SUB1: variants seen among roughly 807,000 people sequenced by gnomAD.
SUB1 encodes activated RNA polymerase II transcriptional coactivator p15.
A neutral mutation model predicts 16.9 loss-of-function variants in SUB1; 1 was observed. The ratio of observed to expected loss-of-function variants is 0.06; its 90% CI spans 0.02 to 0.28. SUB1 has a LOEUF of 0.28. Among genes scored for constraint, SUB1 ranks in the 10% least tolerant of loss-of-function variants. The pLI is 1.00. For synonymous variants in SUB1, 51 were observed against 46.9 expected, an observed-to-expected ratio of 1.09 and a Z score of -0.36; for missense variants, 84 against 145.2, an observed-to-expected ratio of 0.58 and a Z score of 2.16.
chr5:32,592,040 C>G (rs932812543), intron 3 of SUB1, among the ~76,000 whole-genome samples: 2 of 152,206 alleles, frequency 1.3e-5, no homozygotes, highest in Non-Finnish European at 2.9e-5. Flanking sequence ...TATTATCTGG[C>G]TTGATCTGAA....
Position 32,603,904 on chromosome 5 carries a change from TTA to T in SUB1, c.*2821_*2822del, listed in dbSNP as rs1739176522. 1.3e-5 allele frequency: 2 copies of T among 151,970 alleles called. No individual in the cohort carries two copies. The highest frequency in any genetic ancestry group is 1.3e-4 in the Admixed American group (2 of 15,174). The allele number at this position is 151,970 out of a possible 1,614,324, so 9.4% of individuals were successfully genotyped here. A position where few individuals can be genotyped will look rare whatever the true frequency, so the allele number is the denominator to read the frequency against. On this transcript the variant is annotated 3_prime_UTR_variant, in exon 5 of 5. Transcript: ENST00000265073. ...GAAACACTCAAAAGTTTTTTTTTTTTTAAAAGTGTTTTTCCAGATAAACTGTA... is the reference window on the plus strand; with the variant it reads ...GAAACACTCAAAAGTTTTTTTTTTTTAAAGTGTTTTTCCAGATAAACTGTA...
intron 4 of SUB1, among the ~76,000 whole-genome samples, chr5:32,600,249 C>T (rs766503878): frequency 4.6e-5 from 7 of 152,186 alleles, no homozygotes; most frequent in Non-Finnish European, 1.0e-4. Context: ...CTGTATGAAT[C>T]ACGTCCTGGG....
Position 32,588,722 on chromosome 5 carries a change from ACTT to A in SUB1, c.72+142_72+144del, listed in dbSNP as rs1256977151. 19 of 790,766 alleles carry A rather than the reference ACTT, an allele frequency of 2.4e-5. No homozygotes were observed. The African/African-American group carries it at 3.3e-4, about 14-fold the overall frequency. 49.0% of individuals were successfully genotyped at this position (790,766 alleles called of 1,614,324 possible). ...CGCGGTGGCTCATGCCTGTTATCCT[ACTT>A]CTTTGGGAGGCCGAGGTGGCAGGAT... On this transcript the variant is annotated intron_variant, in intron 2 of 4. Transcript: ENST00000265073.
chr5:32,586,929 A>G (rs1044876365), intron 1 of SUB1, among the ~76,000 whole-genome samples: 9 of 152,286 alleles, frequency 5.9e-5, no homozygotes, highest in East Asian at 1.9e-4. Flanking sequence ...TTGACCTCCT[A>G]TTTTGGAACA....
At chr5:32,589,488 T>G (rs1738762366) in intron 2 of SUB1, among the ~76,000 whole-genome samples, 1 of 152,216 alleles carries the variant, frequency 6.6e-6, no homozygotes, top group African/African-American at 2.4e-5. Flanking sequence ...TTGTACTAAG[T>G]TTGTGCTCTG....
chr5:32,600,360 T>G (rs541865087), intron 4 of SUB1, among the ~76,000 whole-genome samples: 1 of 152,212 alleles, frequency 6.6e-6, no homozygotes, highest in Non-Finnish European at 1.5e-5. Context: ...GCTGGAAATA[T>G]AGTAATGGGG....
chr5:32,593,479 A>T (rs1345837696), intron 3 of SUB1, among the ~76,000 whole-genome samples: 1 of 152,160 alleles, frequency 6.6e-6, no homozygotes. Context: ...AAAGATAGAC[A>T]AAGTGCAGAT....
chr5:32,590,449 G>A (rs1190103404), intron 2 of SUB1, among the ~76,000 whole-genome samples: 1 of 150,722 alleles, frequency 6.6e-6, no homozygotes, highest in Non-Finnish European at 1.5e-5. Context: ...TTAAAACAAC[G>A]TTGTGATTTT....
In SUB1 at chr5:32,600,994, CTT is replaced by C; in HGVS notation, c.305-9_305-8del. 1 of 1,609,462 alleles carries C rather than the reference CTT, an allele frequency of 6.2e-7. No individual in the cohort carries two copies. Among genetic ancestry groups the C allele is most frequent in the Non-Finnish European group, 8.5e-7 (1 of 1,176,424 alleles). ...AGATTTTCACCTTTGAATTTTTAAACTTTGTTTTAGGTATTTCTTTAAATCCA... is the reference window on the plus strand; with the variant it reads ...AGATTTTCACCTTTGAATTTTTAAACTGTTTTAGGTATTTCTTTAAATCCA... On this transcript the variant is annotated splice_polypyrimidine_tract_variant and intron_variant, in intron 4 of 4. Transcript: ENST00000265073.
intron 2 of SUB1, among the ~76,000 whole-genome samples, chr5:32,589,201 A>C (rs911118744): frequency 6.6e-6 from 1 of 151,674 alleles, no homozygotes; most frequent in Non-Finnish European, 1.5e-5. Context: ...CAGTCCTCCC[A>C]CCTCTGCCTC....
Position 32,588,495 on chromosome 5 carries a change from A to G in SUB1, c.-1-17A>G. The G allele has an allele frequency of 6.2e-7, 1 of 1,606,858 alleles. No homozygotes were observed. Among genetic ancestry groups the G allele is most frequent in the Non-Finnish European group, 8.5e-7 (1 of 1,175,986 alleles). Reference sequence around the variant, plus strand: ...GAGTACCTTATTAATTATTTTTGTAATGTATTTTTCTTTCAGGATGCCTAA... The same window carrying G: ...GAGTACCTTATTAATTATTTTTGTAGTGTATTTTTCTTTCAGGATGCCTAA... On this transcript the variant is annotated splice_polypyrimidine_tract_variant and intron_variant, in intron 1 of 4. Coordinates refer to ENST00000265073, the MANE Select transcript of SUB1 (RefSeq NM_006713.4).
intron 1 of SUB1, chr5:32,586,205 C>T (rs1366313448): frequency 2.0e-5 from 3 of 152,280 alleles, no homozygotes; most frequent in African/African-American, 7.2e-5. Flanking sequence ...ACCTGTCTCC[C>T]CTCGCCCGAG....
intron 2 of SUB1, 106 bp downstream of exon 2, chr5:32,588,690 A>G: frequency 8.5e-7 from 1 of 1,182,794 alleles, no homozygotes; most frequent in Non-Finnish European, 1.2e-6. Context: ...ATGAGGATCT[A>G]GCTGGGCGCG....
At chr5:32,595,937 T>G (rs928186374) in intron 3 of SUB1, 3 of 151,762 alleles carry the variant, frequency 2.0e-5, no homozygotes, top group Admixed American at 6.6e-5. Context: ...GTGTGTTTAT[T>G]GGTTATTTTT....
intron 1 of SUB1, among the ~76,000 whole-genome samples, chr5:32,587,306 C>T (rs1056099160): frequency 2.6e-5 from 4 of 152,154 alleles, no homozygotes; most frequent in Non-Finnish European, 5.9e-5. Flanking sequence ...TTATAAGTGC[C>T]TTGAATAGAG....
intron 2 of SUB1, among the ~76,000 whole-genome samples, chr5:32,590,523 C>A (rs372232454): frequency 6.7e-6 from 1 of 148,586 alleles, no homozygotes; most frequent in Non-Finnish European, 1.5e-5. Context: ...TGAGGAAGTT[C>A]TTGAGTTGCT....
intron 3 of SUB1, among the ~76,000 whole-genome samples, chr5:32,592,898 G>A (rs936982260): frequency 6.6e-6 from 1 of 152,164 alleles, no homozygotes; most frequent in Middle Eastern, 3.2e-3. Context: ...GAGGATGTAG[G>A]TTAAGAGAGA....
At chr5:32,598,011 C>T (rs1166948904) in intron 3 of SUB1, 5 of 152,070 alleles carry the variant, frequency 3.3e-5, no homozygotes, top group Admixed American at 1.3e-4. Context: ...TGTAGGCAAC[C>T]ACAGCTGCAG....
chr5:32,590,839 C>G (rs1738805975), intron 2 of SUB1, among the ~76,000 whole-genome samples: 1 of 143,152 alleles, frequency 7.0e-6, no homozygotes, highest in Non-Finnish European at 1.5e-5. Flanking sequence ...ACGATCTCGG[C>G]TCACTGCAAC....
Sources: gnomAD v4.1 joint callset for allele counts (sites outside exome capture counted in the v4.1 genomes callset) on GRCh38, gnomAD v4.1.1 for gene constraint, MANE v1.5 for transcripts, NCBI Gene and HGNC (gene_info 2026-07-23, HGNC 2026-07-21) for gene names.